Variants in PTPRD observed in about 807,000 individuals in gnomAD.
PTPRD encodes receptor-type tyrosine-protein phosphatase delta.
A neutral mutation model predicts 214.5 loss-of-function variants in PTPRD; 34 were observed. That is an observed-to-expected ratio of 0.16 (90% CI 0.12 to 0.21). The LOEUF (loss-of-function observed/expected upper bound fraction) is 0.21, where lower values mean the gene tolerates loss of function less well. PTPRD is among the 10% of genes least tolerant of loss of function. The pLI, the probability that PTPRD is intolerant of heterozygous loss-of-function variation, is 1.00. For missense variants in PTPRD, 2,545 were observed against 2,398.7 expected, an observed-to-expected ratio of 1.06 and a Z score of -1.27; for synonymous variants, 1,128 against 845.7, an observed-to-expected ratio of 1.33 and a Z score of -5.79.
intron 4 of PTPRD, among the ~76,000 whole-genome samples, chr9:9,962,043 G>A (rs963700129): frequency 6.6e-6 from 1 of 151,938 alleles, no homozygotes; most frequent in African/African-American, 2.4e-5. Flanking sequence ...TAATCCCATA[G>A]AAACAAGTAT....
intron 9 of PTPRD, among the ~76,000 whole-genome samples, chr9:9,358,420 T>A (rs2054690396): frequency 6.6e-6 from 1 of 151,298 alleles, no homozygotes; most frequent in Middle Eastern, 3.2e-3. Flanking sequence ...GCTATGTATA[T>A]CTATAATACT....
chr9:8,407,971 A>G (rs1341992087), intron 35 of PTPRD, among the ~76,000 whole-genome samples: 1 of 152,260 alleles, frequency 6.6e-6, no homozygotes, highest in Non-Finnish European at 1.5e-5. Context: ...CAAAAAATAC[A>G]TAAAACTGGT....
chr9:8,503,626 G>T (rs1199719043), intron 23 of PTPRD, among the ~76,000 whole-genome samples: 1 of 152,084 alleles, frequency 6.6e-6, no homozygotes, highest in Non-Finnish European at 1.5e-5. Context: ...GCTCCAAAAA[G>T]AAATTGAACC....
At chr9:9,009,949 T>C (rs2099501379) in intron 11 of PTPRD, among the ~76,000 whole-genome samples, 1 of 152,120 alleles carries the variant, frequency 6.6e-6, no homozygotes, top group African/African-American at 2.4e-5. Context: ...TGAGTAATTT[T>C]TTGCTCCGTA....
Position 9,247,388 on chromosome 9 carries a change from G to T in PTPRD, c.-202-64025C>A, listed in dbSNP as rs748079987. 2.9e-3 allele frequency among the ~76,000 whole-genome samples: 434 copies of T among 152,054 alleles called. 2 individuals carry two copies. The highest frequency in any genetic ancestry group is 4.9e-3 in the Non-Finnish European group (335 of 67,966). On this transcript the variant is annotated intron_variant, in intron 9 of 45. Coordinates refer to ENST00000381196, the MANE Select transcript of PTPRD (RefSeq NM_002839.4). ...GCACAAAATTAGACAGTTTCTTCTT[G>T]TGTCTTTTAAGTCTTCATTCTGAAG...
chr9:10,300,929 G>A lies in PTPRD; in HGVS notation c.-545+40034C>T, dbSNP rs560623967. Among the ~76,000 whole-genome samples the A allele has an allele frequency of 2.0e-5, 3 of 152,268 alleles. No homozygotes were observed. In the South Asian group the frequency reaches 6.2e-4, roughly 32 times the overall value. On this transcript the variant is annotated intron_variant, in intron 3 of 45. Transcript: ENST00000381196. ...TTCGAGCTCTGATAAGGGTCAGACT[G>A]CCTCCTCAAGTGGATCATTGACCCC...
rs550275927 is a variant in PTPRD at position 9,103,039 on chromosome 9, T to C, written c.-143+80265A>G. Among the ~76,000 whole-genome samples the C allele has an allele frequency of 5.9e-5, 9 of 152,326 alleles. No homozygotes were observed. The South Asian group carries it at 1.7e-3, about 28-fold the overall frequency. On this transcript the variant is annotated intron_variant, in intron 10 of 45. Coordinates refer to ENST00000381196, the MANE Select transcript of PTPRD (RefSeq NM_002839.4). The stretch of plus-strand genomic sequence containing the variant: ...CCTGGCTCTTATTTGTGGAAGCATG[T>C]AGTAATCAAACAGTTTTAAATTAAA...
chr9:9,922,586 C>T (rs995611367), intron 5 of PTPRD, among the ~76,000 whole-genome samples: 7 of 151,828 alleles, frequency 4.6e-5, no homozygotes, highest in African/African-American at 1.7e-4. Flanking sequence ...AATCAAAGAA[C>T]AGGGAAATAT....
At chr9:9,322,824 A>C in intron 9 of PTPRD, among the ~76,000 whole-genome samples, 1 of 152,268 alleles carries the variant, frequency 6.6e-6, no homozygotes, top group South Asian at 2.1e-4. Context: ...CTGGCATGTA[A>C]GCATGTAAGA....
intron 5 of PTPRD, among the ~76,000 whole-genome samples, chr9:9,827,167 A>G (rs2053183678): frequency 1.3e-5 from 2 of 152,112 alleles, no homozygotes; most frequent in Admixed American, 6.6e-5. Flanking sequence ...TTTAAAGTTC[A>G]TATGGAACCA....
chr9:8,587,873 T>C (rs923487183), intron 14 of PTPRD, among the ~76,000 whole-genome samples: 1 of 152,218 alleles, frequency 6.6e-6, no homozygotes. Context: ...ACTGACCAGA[T>C]GAAAATCGTA....
chr9:9,627,480 T>A (rs1216464105), intron 7 of PTPRD, among the ~76,000 whole-genome samples: 1 of 152,214 alleles, frequency 6.6e-6, no homozygotes, highest in African/African-American at 2.4e-5. Flanking sequence ...GGGATTTTTC[T>A]CTAAAAAGTA....
intron 10 of PTPRD, among the ~76,000 whole-genome samples, chr9:9,054,732 T>C (rs760937703): frequency 3.3e-5 from 5 of 152,212 alleles, no homozygotes; most frequent in East Asian, 1.9e-4. Context: ...GTGTTTGCCA[T>C]TGTTGTGTGA....
intron 3 of PTPRD, among the ~76,000 whole-genome samples, chr9:10,144,776 T>A (rs1480781469): frequency 2.0e-5 from 3 of 152,048 alleles, no homozygotes; most frequent in Non-Finnish European, 4.4e-5. Flanking sequence ...CCATTATAAA[T>A]CTCTCTCTCT....
intron 8 of PTPRD, among the ~76,000 whole-genome samples, chr9:9,424,940 T>C (rs181956014): frequency 3.0e-4 from 45 of 152,342 alleles, no homozygotes; most frequent in African/African-American, 8.9e-4. Context: ...AATTAGGTTA[T>C]TTTTACCTAC....
chr9:9,913,691 T>C (rs1017553028), intron 5 of PTPRD, among the ~76,000 whole-genome samples: 2 of 152,086 alleles, frequency 1.3e-5, no homozygotes, highest in Non-Finnish European at 2.9e-5. Flanking sequence ...ACAAGCCCCA[T>C]TGCCTATGTA....
intron 5 of PTPRD, among the ~76,000 whole-genome samples, chr9:9,824,220 C>G (rs1302750010): frequency 1.3e-5 from 2 of 151,810 alleles, no homozygotes; most frequent in Admixed American, 1.3e-4. Flanking sequence ...ATTTCTCAAG[C>G]CAGGAATTTT....
intron 3 of PTPRD, among the ~76,000 whole-genome samples, chr9:10,150,259 C>T (rs1250204208): frequency 6.6e-6 from 1 of 152,040 alleles, no homozygotes; most frequent in Admixed American, 6.6e-5. Context: ...TTGGAACCAA[C>T]CCAAATGTCC....
chr9:8,554,020 C>G (rs544914239), intron 14 of PTPRD, among the ~76,000 whole-genome samples: 1 of 152,054 alleles, frequency 6.6e-6, no homozygotes, highest in Non-Finnish European at 1.5e-5. Context: ...AACCCTCTCT[C>G]TACTAAAGAT....
Sources: allele counts gnomAD v4.1 joint callset (sites outside exome capture counted in the v4.1 genomes callset), GRCh38; gene constraint gnomAD v4.1.1; transcripts MANE v1.5; gene names NCBI Gene and HGNC (gene_info 2026-07-23, HGNC 2026-07-21).